The following CPAMD8 variants were observed in gnomAD, a reference collection of about 807,000 sequenced individuals.
CPAMD8 encodes the protein C3 and PZP-like alpha-2-macroglobulin domain-containing protein 8.
A neutral mutation model predicts 224.7 loss-of-function variants in CPAMD8; 146 were observed. That is an observed-to-expected ratio of 0.65 (90% CI 0.57 to 0.75). The LOEUF (loss-of-function observed/expected upper bound fraction) is 0.75, where lower values mean the gene tolerates loss of function less well. Among genes scored for constraint, CPAMD8 ranks in the 30% least tolerant of loss-of-function variants. The pLI, the probability that CPAMD8 is intolerant of heterozygous loss-of-function variation, is 0.00. For missense variants in CPAMD8, 2,301 were observed against 2,537.5 expected (o/e 0.91, Z 2.00); for synonymous variants, 966 against 1,044.6 (o/e 0.92, Z 1.45).
intron 30 of CPAMD8, 41 bp downstream of exon 30, chr19:16,906,911 T>C (rs1158211738): frequency 1.3e-6 from 2 of 1,546,018 alleles, no homozygotes; most frequent in Non-Finnish European, 1.8e-6. Context: ...ACAGTGGGCT[T>C]CCCGACGCTG....
rs1307168015 is a variant in CPAMD8, at chr19:16,980,485, T to C, written c.1585+12A>G. On this transcript the variant is annotated intron_variant, in intron 14 of 41. Transcript: ENST00000443236. ...GGAAGAACAGGAACCTTCTCCCTGC[T>C]GCCCGGCTCACCTGTCTCAGAAAGG... 2 of 1,610,926 alleles carry C rather than the reference T, an allele frequency of 1.2e-6. No homozygotes were observed. Among genetic ancestry groups the C allele is most frequent in the Admixed American group, 1.7e-5 (1 of 59,630 alleles).
At chr19:16,977,796 C>A (rs2055336017) in intron 14 of CPAMD8, among the ~76,000 whole-genome samples, 1 of 152,144 alleles carries the variant, frequency 6.6e-6, no homozygotes, top group Non-Finnish European at 1.5e-5. Context: ...ATCCTCTCTG[C>A]CGGGGAACAT....
chr19:16,951,422 G>A (rs1292542164), intron 20 of CPAMD8, among the ~76,000 whole-genome samples: 2 of 152,154 alleles, frequency 1.3e-5, no homozygotes, highest in African/African-American at 2.4e-5. Flanking sequence ...ATGGAGTTCG[G>A]ATTTCAGTGT....
intron 25 of CPAMD8, among the ~76,000 whole-genome samples, chr19:16,926,626 T>C (rs970444839): frequency 6.6e-6 from 1 of 152,196 alleles, no homozygotes; most frequent in African/African-American, 2.4e-5. Context: ...CCTTCTTTCT[T>C]TCTTTAGCCT....
chr19:16,951,849 C>G, intron 20 of CPAMD8, 120 bp downstream of exon 20: 1 of 679,238 alleles, frequency 1.5e-6, no homozygotes, highest in South Asian at 1.8e-5. Flanking sequence ...ATCATAGAGG[C>G]TCTCGCCCTC....
rs564736159 is a variant in CPAMD8, at chr19:17,020,883, T to A, written c.245-530A>T. On this transcript the variant is annotated intron_variant, in intron 2 of 41. Coordinates refer to ENST00000443236, the MANE Select transcript of CPAMD8 (RefSeq NM_015692.5). ...CATTATCCCATTTCCTGCTAACAGA[T>A]CCTCAATTTCCTTGGACAAGCTATC... Among the ~76,000 whole-genome samples the A allele has an allele frequency of 3.9e-5, 6 of 152,294 alleles. No individual in the cohort carries two copies. In the South Asian group the frequency reaches 1.0e-3, roughly 26 times the overall value.
chr19:16,965,913 C>G (rs1236828639), intron 18 of CPAMD8, among the ~76,000 whole-genome samples: 2 of 152,174 alleles, frequency 1.3e-5, no homozygotes, highest in Non-Finnish European at 2.9e-5. Flanking sequence ...AATGGCCATA[C>G]TGCCCAAGGT....
chr19:16,927,963 C>G lies in CPAMD8; in HGVS notation c.3370+46G>C, dbSNP rs534428535. On this transcript the variant is annotated intron_variant, in intron 25 of 41. Transcript: ENST00000443236. ...ACTAAGCCTGGAGTCTCAACTTCGG[C>G]TCTTGCCCCCTGACCTCTCCAAGCC... 5 of 1,418,570 alleles carry G rather than the reference C, an allele frequency of 3.5e-6. No homozygotes were observed. The African/African-American group carries it at 4.2e-5, about 12-fold the overall frequency. 87.9% of individuals were successfully genotyped at this position (1,418,570 alleles called of 1,614,324 possible).
chr19:16,907,176 C>T, intron 29 of CPAMD8, 59 bp from the exon 30 acceptor site: 1 of 1,451,596 alleles, frequency 6.9e-7, no homozygotes, highest in Non-Finnish European at 9.1e-7. Flanking sequence ...ATCCCACCCA[C>T]CCACTGGCTT....
rs752499466 is a variant in CPAMD8, at chr19:16,914,687, G to A, written c.3756C>T (p.Ala1252=). The change falls in exon 28 of 42, where the codon GCC becomes GCT. Residue 1252 remains alanine, a synonymous_variant. Transcript: ENST00000443236. The part of the protein sequence containing the change: ...QQQQADGSFL[A]VGRVLNKDIQ... The stretch of plus-strand genomic sequence containing the variant: ...TGTCCTTGTTCAGGACCCTGCCCAC[G>A]GCCAGGAAGGAGCCATCGGCCTGCT... The A allele has an allele frequency of 7.9e-5, 127 of 1,613,972 alleles. 2 individuals are homozygous for A. In the Admixed American group the frequency reaches 1.3e-3, roughly 17 times the overall value.
chr19:16,962,749 C>T (rs1427105152), intron 18 of CPAMD8, among the ~76,000 whole-genome samples: 1 of 152,024 alleles, frequency 6.6e-6, no homozygotes, highest in African/African-American at 2.4e-5. Context: ...GTCAGATTCA[C>T]CAAAGTTGAA....
Position 16,976,038 on chromosome 19 carries a change from G to A in CPAMD8, c.1872C>T (p.Tyr624=). The change falls in exon 16 of 42, where the codon TAC becomes TAT. Residue 624 remains tyrosine (Y), a synonymous_variant. Coordinates refer to ENST00000443236, the MANE Select transcript of CPAMD8 (RefSeq NM_015692.5). ...VCVAAVDKSV[Y]LLRSGFRLTP... Reference sequence around the variant, plus strand: ...TCAGCCGGAACCCAGACCTGAGCAGGTAGACACTCTTATCAACTGCGGCGA... The same window carrying A: ...TCAGCCGGAACCCAGACCTGAGCAGATAGACACTCTTATCAACTGCGGCGA... The A allele has an allele frequency of 1.2e-6, 2 of 1,608,978 alleles. No individual in the cohort carries two copies. The highest frequency in any genetic ancestry group is 1.7e-6 in the Non-Finnish European group (2 of 1,177,678).
Position 16,977,482 on chromosome 19 carries a change from G to T in CPAMD8, c.1644C>A (p.Ala548=), listed in dbSNP as rs773333279. ...CAAGGGGGACCATGCTGGGGGTCAC[G>T]GCCAGATGAAGAGAGGTCACACACA... ...VDVCVTSLHL[A]VTPSMVPLGR... Residue 548 remains alanine, a synonymous_variant, in exon 15 of 42, where the codon GCC becomes GCA. Coordinates refer to ENST00000443236, the MANE Select transcript of CPAMD8 (RefSeq NM_015692.5). 3.1e-6 allele frequency: 5 copies of T among 1,611,796 alleles called. No individual in the cohort carries two copies. In the African/African-American group the frequency reaches 6.7e-5, roughly 22 times the overall value.
intron 13 of CPAMD8, among the ~76,000 whole-genome samples, chr19:16,983,063 A>G (rs1363457864): frequency 6.6e-6 from 1 of 152,126 alleles, no homozygotes; most frequent in Non-Finnish European, 1.5e-5. Context: ...ACCTTCTGCC[A>G]TGATTGTAAG....
chr19:16,902,543 C>A (rs1425093184), intron 35 of CPAMD8, 106 bp downstream of exon 35: 2 of 685,052 alleles, frequency 2.9e-6, no homozygotes, highest in East Asian at 2.8e-5. Context: ...ACAAAAACCA[C>A]CACTGAGTGC....
chr19:17,022,713 G>T (rs573870940), intron 1 of CPAMD8, among the ~76,000 whole-genome samples: 9 of 152,182 alleles, frequency 5.9e-5, no homozygotes, highest in African/African-American at 2.2e-4. Flanking sequence ...TGGCCAGGAT[G>T]ATCTCAAACT....
chr19:16,942,116 T>C (rs1247154192), intron 22 of CPAMD8, among the ~76,000 whole-genome samples: 3 of 152,144 alleles, frequency 2.0e-5, no homozygotes, highest in Non-Finnish European at 4.4e-5. Flanking sequence ...CAGCCATGCT[T>C]CCTGTACAGC....
At chr19:17,011,367 A>T in intron 5 of CPAMD8, 97 bp downstream of exon 5, 2 of 1,292,222 alleles carry the variant, frequency 1.5e-6, no homozygotes, top group Non-Finnish European at 2.2e-6. Flanking sequence ...TAGAAAAGAG[A>T]AGTTCTGGAG....
chr19:16,907,032 G>C lies in CPAMD8; in HGVS notation c.3947C>G (p.Thr1316Ser). The change falls in exon 30 of 42, where the codon ACT (threonine) becomes AGT (serine). Residue 1316 changes from threonine to serine, a missense_variant. Coordinates refer to ENST00000443236, the MANE Select transcript of CPAMD8 (RefSeq NM_015692.5). ...LAMDPYSCAL[T>S]TYALTLLRSP... ...GCGGAGCAGGGTCAGCGCGTAGGTA[G>C]TCAGGGCACAGCTATAAGGGTCCAT... 2.5e-6 allele frequency: 4 copies of C among 1,610,340 alleles called. No homozygotes were observed. Among genetic ancestry groups the C allele is most frequent in the African/African-American group, 1.3e-5 (1 of 75,044 alleles).
Sources: allele counts gnomAD v4.1 joint callset (sites outside exome capture counted in the v4.1 genomes callset), GRCh38; gene constraint gnomAD v4.1.1; transcripts MANE v1.5; gene names NCBI Gene and HGNC (gene_info 2026-07-23, HGNC 2026-07-21).